Variants in PRKCE observed in about 807,000 individuals in gnomAD.
The protein encoded by PRKCE is protein kinase C epsilon type.
Under a neutral mutation model 85.4 loss-of-function variants are expected in PRKCE, and 16 were observed. The observed-to-expected ratio is 0.19, with a 90% confidence interval of 0.13 to 0.28. The LOEUF (loss-of-function observed/expected upper bound fraction) is 0.28, where lower values mean the gene tolerates loss of function less well. Ranked by LOEUF, PRKCE falls within the 10% of genes least tolerant of loss-of-function variation. The pLI, the probability that PRKCE is intolerant of heterozygous loss-of-function variation, is 1.00. For synonymous variants in PRKCE, 388 were observed against 371.5 expected (o/e 1.04, Z -0.51); for missense variants, 573 against 975.2 (o/e 0.59, Z 5.49).
chr2:45,784,247 A>G (rs1209333932), intron 1 of PRKCE, among the ~76,000 whole-genome samples: 2 of 152,266 alleles, frequency 1.3e-5, no homozygotes, highest in Non-Finnish European at 2.9e-5. Context: ...AGCTGAAGAC[A>G]TGGAATTGGA....
rs776523295 is a variant in PRKCE at position 45,978,945 on chromosome 2, T to C, written c.573-31T>C. The C allele has an allele frequency of 2.5e-6, 4 of 1,596,722 alleles. No individual in the cohort carries two copies. In the African/African-American group the frequency reaches 4.0e-5, roughly 16 times the overall value. On this transcript the variant is annotated intron_variant, in intron 3 of 14. Transcript: ENST00000306156. ...TTTTTTGACCTGGTAAGATTTCACT[T>C]TTTTTAAAAAAATGTTATTCTTCTT... is the stretch of plus-strand genomic sequence containing the variant.
intron 10 of PRKCE, among the ~76,000 whole-genome samples, chr2:46,049,344 C>G (rs1469743081): frequency 6.6e-6 from 1 of 152,174 alleles, no homozygotes; most frequent in South Asian, 2.1e-4. Flanking sequence ...TCTTCCCAGT[C>G]CTGACAATGC....
intron 1 of PRKCE, among the ~76,000 whole-genome samples, chr2:45,685,764 G>T (rs925965990): frequency 6.6e-6 from 1 of 152,184 alleles, no homozygotes; most frequent in African/African-American, 2.4e-5. Flanking sequence ...TGTGACTCAG[G>T]CTTTCGTGGA....
chr2:45,820,679 A>C lies in PRKCE; in HGVS notation c.349-22321A>C, dbSNP rs149331738. 9.9e-4 allele frequency among the ~76,000 whole-genome samples: 151 copies of C among 152,308 alleles called. 1 individual carries two copies. Among genetic ancestry groups the C allele is most frequent in the African/African-American group, 3.4e-3 (143 of 41,552 alleles). ...GTCCTTGAGTCTTGTTTCCCGACAC[A>C]AATGCAATTGAAGTTTTCAAACTGA... On this transcript the variant is annotated intron_variant, in intron 1 of 14. Transcript: ENST00000306156.
intron 2 of PRKCE, among the ~76,000 whole-genome samples, chr2:45,970,492 G>T (rs988078543): frequency 6.6e-6 from 1 of 152,078 alleles, no homozygotes; most frequent in African/African-American, 2.4e-5. Flanking sequence ...CATTCAATGT[G>T]ACAACATCCT....
chr2:46,042,936 T>G (rs569154015), intron 10 of PRKCE, among the ~76,000 whole-genome samples: 1 of 152,194 alleles, frequency 6.6e-6, no homozygotes. Flanking sequence ...AGAAACCACA[T>G]TGGCCTCTGT....
At chr2:45,719,529 G>C (rs1427404970) in intron 1 of PRKCE, among the ~76,000 whole-genome samples, 1 of 152,130 alleles carries the variant, frequency 6.6e-6, no homozygotes, top group Non-Finnish European at 1.5e-5. Flanking sequence ...GTTGGCACTT[G>C]GGAAATAGGT....
chr2:45,732,169 T>C lies in PRKCE; in HGVS notation c.348+79721T>C, dbSNP rs1171722168. On this transcript the variant is annotated intron_variant, in intron 1 of 14. Coordinates refer to ENST00000306156, the MANE Select transcript of PRKCE (RefSeq NM_005400.3). ...AGCTTTTTTTTGGAACAGACTGTCA[T>C]TGGAGAGGGAGGAAAGAATATGGGG... Among the ~76,000 whole-genome samples the C allele has an allele frequency of 3.9e-5, 6 of 152,002 alleles. No homozygotes were observed. The East Asian group carries it at 1.2e-3, about 29-fold the overall frequency.
chr2:45,996,511 G>T (rs1704230978), intron 6 of PRKCE, among the ~76,000 whole-genome samples: 1 of 152,088 alleles, frequency 6.6e-6, no homozygotes, highest in Non-Finnish European at 1.5e-5. Context: ...ATTCTCTTCA[G>T]TTCCTTGTTT....
chr2:45,763,270 T>A lies in PRKCE; in HGVS notation c.349-79730T>A, dbSNP rs1360737153. On this transcript the variant is annotated intron_variant, in intron 1 of 14. Coordinates refer to ENST00000306156, the MANE Select transcript of PRKCE (RefSeq NM_005400.3). Reference sequence around the variant, plus strand: ...CTCCTGGCCTTGAGGTGTTCTTTCTTTGGCCAGTCTACATCTTGGGTGTGC... The same window carrying A: ...CTCCTGGCCTTGAGGTGTTCTTTCTATGGCCAGTCTACATCTTGGGTGTGC... 2.0e-5 allele frequency among the ~76,000 whole-genome samples: 3 copies of A among 152,238 alleles called. No homozygotes were observed. In the East Asian group the frequency reaches 5.8e-4, roughly 29 times the overall value.
At chr2:45,726,705 G>C (rs1573084324) in intron 1 of PRKCE, among the ~76,000 whole-genome samples, 1 of 152,228 alleles carries the variant, frequency 6.6e-6, no homozygotes, top group East Asian at 1.9e-4. Context: ...TTGATTCTCA[G>C]GATACATTCT....
chr2:46,041,411 A>G lies in PRKCE; in HGVS notation c.1437+30894A>G, dbSNP rs1172963300. ...ACATACACCTGTTAGACACACATTGAGTTTTCAAGAGAGAAAAACACACTT... is the reference window on the plus strand; with the variant it reads ...ACATACACCTGTTAGACACACATTGGGTTTTCAAGAGAGAAAAACACACTT... On this transcript the variant is annotated intron_variant, in intron 10 of 14. Transcript: ENST00000306156. This position sits in a 1 kb window ranked among gnomAD's most constrained non-coding sequence, Gnocchi z 5.5. 6.6e-6 allele frequency among the ~76,000 whole-genome samples: 1 copy of G among 152,230 alleles called. No homozygotes were observed. The highest frequency in any genetic ancestry group is 1.5e-5 in the Non-Finnish European group (1 of 68,046).
At chr2:46,055,730 A>C (rs909886078) in intron 10 of PRKCE, among the ~76,000 whole-genome samples, 3 of 151,928 alleles carry the variant, frequency 2.0e-5, no homozygotes, top group Non-Finnish European at 4.4e-5. Flanking sequence ...TGGCAAGATC[A>C]CCGCTCACTG....
chr2:46,110,737 G>A (rs776928247), intron 11 of PRKCE, among the ~76,000 whole-genome samples: 2 of 151,512 alleles, frequency 1.3e-5, no homozygotes, highest in South Asian at 2.1e-4. Flanking sequence ...TCTGCCTTAG[G>A]TTTAAATTGC....
chr2:45,995,348 T>G (rs1430446368), intron 6 of PRKCE, among the ~76,000 whole-genome samples: 1 of 152,144 alleles, frequency 6.6e-6, no homozygotes, highest in African/African-American at 2.4e-5. Context: ...TTTATTTTAA[T>G]GAAGTTCAGC....
chr2:45,735,501 C>T (rs1002696110), intron 1 of PRKCE, among the ~76,000 whole-genome samples: 3 of 152,210 alleles, frequency 2.0e-5, no homozygotes, highest in African/African-American at 7.2e-5. Flanking sequence ...ACCCAGGCTC[C>T]ATCACCTGTA....
chr2:46,182,230 T>C (rs532972099), intron 14 of PRKCE, among the ~76,000 whole-genome samples: 1 of 152,198 alleles, frequency 6.6e-6, no homozygotes, highest in African/African-American at 2.4e-5. Flanking sequence ...AGAGGGCCCA[T>C]AGCCTGCAAT....
At chr2:46,053,015 A>G (rs1216154720) in intron 10 of PRKCE, among the ~76,000 whole-genome samples, 2 of 152,238 alleles carry the variant, frequency 1.3e-5, no homozygotes, top group African/African-American at 4.8e-5. Context: ...CGGTCACCCA[A>G]CTGCCTGTGA....
chr2:45,858,790 C>T (rs542421749), intron 2 of PRKCE, among the ~76,000 whole-genome samples: 2 of 152,210 alleles, frequency 1.3e-5, no homozygotes, highest in Admixed American at 6.5e-5. Context: ...CCTGTAATCC[C>T]AGCACTTTGG....
Sources: allele counts gnomAD v4.1 joint callset (sites outside exome capture counted in the v4.1 genomes callset), GRCh38; gene constraint gnomAD v4.1.1; non-coding constraint Gnocchi (gnomAD v3.1); transcripts MANE v1.5; gene names NCBI Gene and HGNC (gene_info 2026-07-23, HGNC 2026-07-21).